Variants in TFDP1 observed in about 807,000 individuals in gnomAD.
The protein encoded by TFDP1 is transcription factor Dp-1.
TFDP1 carries 6 observed loss-of-function variants against 48.0 expected under a neutral mutation model. The ratio of observed to expected loss-of-function variants is 0.13; its 90% CI spans 0.07 to 0.25. The LOEUF is 0.25. Among genes scored for constraint, TFDP1 ranks in the 10% least tolerant of loss-of-function variants. The pLI, the probability that TFDP1 is intolerant of heterozygous loss-of-function variation, is 1.00. For missense variants in TFDP1, 335 were observed against 543.0 expected (o/e 0.62, Z 3.81); for synonymous variants, 201 against 211.6 (o/e 0.95, Z 0.44).
At chr13:113,604,123 T>G (rs2048505834) in intron 2 of TFDP1, among the ~76,000 whole-genome samples, 1 of 145,272 alleles carries the variant, frequency 6.9e-6, no homozygotes, top group Non-Finnish European at 1.5e-5. Flanking sequence ...ATCTTACCAC[T>G]GCACCCTAGC....
intron 2 of TFDP1, among the ~76,000 whole-genome samples, chr13:113,600,126 C>T (rs1476815482): frequency 7.2e-6 from 1 of 139,592 alleles, no homozygotes; most frequent in Non-Finnish European, 1.5e-5. Flanking sequence ...GAGAGAGAAT[C>T]CTTGTATGTA....
chr13:113,606,851 C>G (rs1467668022), intron 2 of TFDP1, among the ~76,000 whole-genome samples: 1 of 152,122 alleles, frequency 6.6e-6, no homozygotes, highest in African/African-American at 2.4e-5. Flanking sequence ...CGCATCCCAC[C>G]AAGATAGGCG....
chr13:113,634,408 C>A, intron 7 of TFDP1, 126 bp from the exon 8 acceptor site: 1 of 816,084 alleles, frequency 1.2e-6, no homozygotes, highest in Non-Finnish European at 2.0e-6. Flanking sequence ...TAGATTTGTC[C>A]ATATCCCTTC....
chr13:113,585,662 G>A (rs1439418032), intron 1 of TFDP1, 112 bp from the exon 2 acceptor site: 2 of 603,138 alleles, frequency 3.3e-6, no homozygotes, highest in African/African-American at 1.8e-5. Context: ...GATGGAGGGT[G>A]CCTTTGGGAA....
At chr13:113,609,727 C>T (rs887623572) in intron 2 of TFDP1, among the ~76,000 whole-genome samples, 4 of 152,136 alleles carry the variant, frequency 2.6e-5, no homozygotes, top group African/African-American at 9.7e-5. Flanking sequence ...CTCCTTGTTC[C>T]CATGGTGTTA....
rs1316815272 is a variant in TFDP1 at position 113,607,916 on chromosome 13, G to A, written c.13-3080G>A. Among the ~76,000 whole-genome samples, 1 of 152,206 alleles carries A rather than the reference G, an allele frequency of 6.6e-6. No homozygotes were observed. Among genetic ancestry groups the A allele is most frequent in the Non-Finnish European group, 1.5e-5 (1 of 68,042 alleles). On this transcript the variant is annotated intron_variant, in intron 2 of 11. Coordinates refer to ENST00000375370, the MANE Select transcript of TFDP1 (RefSeq NM_007111.5). This position sits in a 1 kb window ranked among gnomAD's most constrained non-coding sequence, Gnocchi z 5.2. ...CTGTGCCGCAGCCCCCATGGCTGCC[G>A]AGGTCTCCCCTGGGCAGGGGCAGTT...
chr13:113,604,160 C>CAA (rs5806996), intron 2 of TFDP1, among the ~76,000 whole-genome samples: 1,999 of 104,344 alleles, frequency 0.019, 51 homozygotes, highest in Admixed American at 0.045. Flanking sequence ...CAGCCTGTCT[C>CAA]AAAAAAAAAA....
chr13:113,624,166 G>C (rs1566665046), intron 4 of TFDP1, among the ~76,000 whole-genome samples: 1 of 152,244 alleles, frequency 6.6e-6, no homozygotes, highest in East Asian at 1.9e-4. Flanking sequence ...TGGTGATGCA[G>C]CACCTCTTGC....
At chr13:113,602,312 T>C (rs1047902417) in intron 2 of TFDP1, among the ~76,000 whole-genome samples, 24 of 149,528 alleles carry the variant, frequency 1.6e-4, no homozygotes, top group African/African-American at 4.2e-4. Flanking sequence ...CCGCAGGAGT[T>C]GAGGGAGGAG....
At chr13:113,610,690 C>T (rs1195373918) in intron 2 of TFDP1, among the ~76,000 whole-genome samples, 1 of 152,240 alleles carries the variant, frequency 6.6e-6, no homozygotes, top group Non-Finnish European at 1.5e-5. Flanking sequence ...ATGTGTTTAA[C>T]ATTCTATTGT....
intron 3 of TFDP1, among the ~76,000 whole-genome samples, chr13:113,620,642 A>G (rs1271448167): frequency 6.6e-6 from 1 of 152,244 alleles, no homozygotes; most frequent in Non-Finnish European, 1.5e-5. Flanking sequence ...TAAGTATTAC[A>G]CCGTGTATAT....
intron 2 of TFDP1, among the ~76,000 whole-genome samples, chr13:113,606,056 G>C (rs529676475): frequency 7.0e-6 from 1 of 142,722 alleles, no homozygotes; most frequent in Non-Finnish European, 1.5e-5. Flanking sequence ...AGGGGATCCT[G>C]TGGGAAGGCG....
At chr13:113,590,392 A>G (rs2048111170) in intron 2 of TFDP1, among the ~76,000 whole-genome samples, 1 of 152,222 alleles carries the variant, frequency 6.6e-6, no homozygotes, top group Non-Finnish European at 1.5e-5. Flanking sequence ...GTCTACCACC[A>G]GGTGTCCTTT....
chr13:113,634,524 GT>G lies in TFDP1; in HGVS notation c.619-5del, dbSNP rs2049421977. 6.2e-7 allele frequency: 1 copy of G among 1,611,154 alleles called. No individual in the cohort carries two copies. Among genetic ancestry groups the G allele is most frequent in the Non-Finnish European group, 8.5e-7 (1 of 1,179,060 alleles). On this transcript the variant is annotated splice_polypyrimidine_tract_variant and intron_variant, in intron 7 of 11. Transcript: ENST00000375370. ...TGATGATTCTTCACATGGGTGGTTT[GT>G]TTTTGAAGGTGGAAAGACAGAGGAG...
Position 113,598,089 on chromosome 13 carries a change from G to A in TFDP1, c.12+12240G>A, listed in dbSNP as rs1228449131. Among the ~76,000 whole-genome samples the A allele has an allele frequency of 6.6e-6, 1 of 152,172 alleles. No individual in the cohort carries two copies. Among genetic ancestry groups the A allele is most frequent in the Non-Finnish European group, 1.5e-5 (1 of 68,030 alleles). On this transcript the variant is annotated intron_variant, in intron 2 of 11. Coordinates refer to ENST00000375370, the MANE Select transcript of TFDP1 (RefSeq NM_007111.5). The surrounding 1 kb of genome is among the most constrained non-coding windows in gnomAD (Gnocchi z 4.2). ...TTTCAGGTGAGTTGTCATCAAGAGT[G>A]CAGAATCCAACTGTGTTGGGAGCCA...
At chr13:113,636,178 G>T (rs766580666) in intron 9 of TFDP1, 50 bp downstream of exon 9, 8 of 1,599,126 alleles carry the variant, frequency 5.0e-6, no homozygotes, top group Non-Finnish European at 6.8e-6. Context: ...TCTTTTTTAG[G>T]GAGCCGACCC....
chr13:113,615,630 G>A (rs1287310378), intron 3 of TFDP1, among the ~76,000 whole-genome samples: 1 of 152,192 alleles, frequency 6.6e-6, no homozygotes, highest in Non-Finnish European at 1.5e-5. Context: ...TAGGCCAGGT[G>A]CAGGGGCTCA....
chr13:113,587,756 G>T (rs561592790), intron 2 of TFDP1, among the ~76,000 whole-genome samples: 5 of 152,114 alleles, frequency 3.3e-5, no homozygotes, highest in African/African-American at 1.2e-4. Context: ...GAGCCACCGC[G>T]CCCGGCCTAG....
intron 9 of TFDP1, 129 bp downstream of exon 9, chr13:113,636,257 C>T (rs919126102): frequency 2.3e-6 from 3 of 1,318,662 alleles, no homozygotes; most frequent in African/African-American, 1.5e-5. Flanking sequence ...AATTGCTGTC[C>T]ATTGGGGGGT....
Sources: gnomAD v4.1 joint callset for allele counts (sites outside exome capture counted in the v4.1 genomes callset) on GRCh38, gnomAD v4.1.1 for gene constraint, Gnocchi (gnomAD v3.1) non-coding constraint, MANE v1.5 for transcripts, NCBI Gene and HGNC (gene_info 2026-07-23, HGNC 2026-07-21) for gene names.